The following SLC24A4 variants were observed in gnomAD, a reference collection of about 807,000 sequenced individuals.
SLC24A4 encodes sodium/potassium/calcium exchanger 4.
In SLC24A4, 53 loss-of-function variants were observed where a neutral mutation model predicts 79.0. The observed-to-expected ratio is 0.67, with a 90% CI of 0.54 to 0.84. The LOEUF is 0.84. SLC24A4 is among the 40% of genes least tolerant of loss of function. SLC24A4 has a pLI of 0.00. For synonymous variants in SLC24A4, 323 were observed against 323.8 expected (o/e 1.00, Z 0.03); for missense variants, 731 against 822.0 (o/e 0.89, Z 1.35).
Position 92,428,317 on chromosome 14 carries a change from C to T in SLC24A4, c.242-5595C>T, listed in dbSNP as rs541481118. Among the ~76,000 whole-genome samples the T allele has an allele frequency of 5.8e-4, 89 of 152,294 alleles. 2 individuals are homozygous for T. Among genetic ancestry groups the T allele is most frequent in the Non-Finnish European group, 7.4e-5 (5 of 68,016 alleles). ...CCCTAGGTTGGCAGAACCTACTTCA[C>T]ATGCAGAACCCTAGCTGCAAGGGGG... On this transcript the variant is annotated intron_variant, in intron 2 of 16. Transcript: ENST00000532405.
chr14:92,474,822 CAT>C lies in SLC24A4; in HGVS notation c.1256-7851_1256-7850del, dbSNP rs71301943. On this transcript the variant is annotated intron_variant, in intron 12 of 16. Coordinates refer to ENST00000532405, the MANE Select transcript of SLC24A4 (RefSeq NM_153646.4). ...ATATATACATATATACATATATATA[CAT>C]ATATATGTGTGTGTGTGTGTATATA... Among the ~76,000 whole-genome samples, 14 of 10,016 alleles carry C rather than the reference CAT, an allele frequency of 1.4e-3. 1 individual carries two copies. Among genetic ancestry groups the C allele is most frequent in the East Asian group, 9.3e-3 (8 of 862 alleles). The allele number at this position is 10,016 out of a possible 152,430, so 6.6% of individuals were successfully genotyped here.
intron 13 of SLC24A4, chr14:92,484,253 A>C (rs1595359196): frequency 1.0e-6 from 1 of 984,118 alleles, no homozygotes; most frequent in Non-Finnish European, 1.2e-6. Context: ...CTGAAATCCC[A>C]CCCTTTGGCC....
At chr14:92,388,023 C>T (rs928736135) in intron 2 of SLC24A4, among the ~76,000 whole-genome samples, 4 of 152,206 alleles carry the variant, frequency 2.6e-5, no homozygotes, top group African/African-American at 7.2e-5. Flanking sequence ...CAGATGTCTG[C>T]TCAGGTCGCT....
chr14:92,493,676 G>A lies in SLC24A4; in HGVS notation c.*48G>A. 6.2e-7 allele frequency: 1 copy of A among 1,600,556 alleles called. No homozygotes were observed. Among genetic ancestry groups the A allele is most frequent in the Non-Finnish European group, 8.5e-7 (1 of 1,172,372 alleles). On this transcript the variant is annotated 3_prime_UTR_variant, in exon 17 of 17. Coordinates refer to ENST00000532405, the MANE Select transcript of SLC24A4 (RefSeq NM_153646.4). The stretch of plus-strand genomic sequence containing the variant: ...GCTGATCTGGACACCCTGTGACACT[G>A]GCGTTCTCCTCTCCCCTCCTTCCCC...
At chr14:92,404,515 C>G (rs1217528803) in intron 2 of SLC24A4, among the ~76,000 whole-genome samples, 3 of 152,144 alleles carry the variant, frequency 2.0e-5, no homozygotes, top group Non-Finnish European at 4.4e-5. Context: ...ACTGCTGGGC[C>G]TCTTCCTTTT....
At chr14:92,374,072 C>T (rs559426755) in intron 2 of SLC24A4, among the ~76,000 whole-genome samples, 4 of 152,328 alleles carry the variant, frequency 2.6e-5, no homozygotes, top group African/African-American at 9.6e-5. Flanking sequence ...ACCCGTTTAC[C>T]TTGGCAAGGG....
chr14:92,441,507 C>T lies in SLC24A4; in HGVS notation c.394-582C>T, dbSNP rs1892493593. Among the ~76,000 whole-genome samples, 1 of 152,196 alleles carries T rather than the reference C, an allele frequency of 6.6e-6. No individual in the cohort carries two copies. Among genetic ancestry groups the T allele is most frequent in the Admixed American group, 6.5e-5 (1 of 15,282 alleles). ...CAGAATGCAAGGCCCAGCTGCAGGCCAGAGGCCTCCAGATCCACAATGCTG... is the reference window on the plus strand; with the variant it reads ...CAGAATGCAAGGCCCAGCTGCAGGCTAGAGGCCTCCAGATCCACAATGCTG... On this transcript the variant is annotated intron_variant, in intron 4 of 16. Coordinates refer to ENST00000532405, the MANE Select transcript of SLC24A4 (RefSeq NM_153646.4). This position sits in a 1 kb window ranked among gnomAD's most constrained non-coding sequence, Gnocchi z 4.6.
chr14:92,448,272 C>T (rs911124350), intron 9 of SLC24A4, among the ~76,000 whole-genome samples: 6 of 151,700 alleles, frequency 4.0e-5, no homozygotes, highest in African/African-American at 1.5e-4. Flanking sequence ...ATTAATGCCA[C>T]TGTTTTGTGC....
intron 2 of SLC24A4, among the ~76,000 whole-genome samples, chr14:92,428,725 A>G (rs1891700625): frequency 6.6e-6 from 1 of 152,226 alleles, no homozygotes; most frequent in African/African-American, 2.4e-5. Flanking sequence ...CATGGGCAGA[A>G]GAGGGCCCAG....
At chr14:92,325,792 C>A in intron 1 of SLC24A4, 76 bp from the exon 2 acceptor site, 1 of 849,810 alleles carries the variant, frequency 1.2e-6, no homozygotes, top group Non-Finnish European at 1.9e-6. Context: ...GACATAGACA[C>A]ACAAATGTAA....
At chr14:92,348,827 A>G (rs756702588) in intron 2 of SLC24A4, among the ~76,000 whole-genome samples, 18 of 152,190 alleles carry the variant, frequency 1.2e-4, no homozygotes, top group East Asian at 1.9e-4. Context: ...TTTGGAGCCT[A>G]TGGCCACCAA....
At chr14:92,378,462 A>C (rs1481543738) in intron 2 of SLC24A4, among the ~76,000 whole-genome samples, 4 of 152,166 alleles carry the variant, frequency 2.6e-5, no homozygotes, top group Non-Finnish European at 4.4e-5. Flanking sequence ...TTGTGGTTTT[A>C]ATAGGCATTT....
At chr14:92,342,661 C>T (rs1476068818) in intron 2 of SLC24A4, among the ~76,000 whole-genome samples, 2 of 152,196 alleles carry the variant, frequency 1.3e-5, no homozygotes, top group African/African-American at 2.4e-5. Flanking sequence ...AGATTACAGG[C>T]GTGCACCACC....
intron 12 of SLC24A4, among the ~76,000 whole-genome samples, chr14:92,458,940 G>A (rs999540512): frequency 2.6e-5 from 4 of 152,198 alleles, no homozygotes; most frequent in African/African-American, 4.8e-5. Context: ...GGGGTGGGGC[G>A]AGGAGGAGCG....
intron 12 of SLC24A4, 76 bp from the exon 13 acceptor site, chr14:92,482,604 A>G: frequency 7.2e-7 from 1 of 1,397,774 alleles, no homozygotes; most frequent in South Asian, 1.4e-5. Flanking sequence ...GACTAAATCG[A>G]CAGGTAGACT....
At chr14:92,455,266 G>C (rs1437727044) in intron 11 of SLC24A4, among the ~76,000 whole-genome samples, 1 of 152,146 alleles carries the variant, frequency 6.6e-6, no homozygotes, top group Non-Finnish European at 1.5e-5. Context: ...AAATTTCAGT[G>C]ACACACACCG....
rs914385551 is a variant in SLC24A4, at chr14:92,490,868, C to T, written c.1538-797C>T. Among the ~76,000 whole-genome samples, 1 of 152,210 alleles carries T rather than the reference C, an allele frequency of 6.6e-6. No individual in the cohort carries two copies. The highest frequency in any genetic ancestry group is 1.5e-5 in the Non-Finnish European group (1 of 68,044). ...ACGGAAGTGTATTGTCTTGTGGTTC[C>T]GGAGGCCAGAAGCCTGAAGGAGAGT... On this transcript the variant is annotated intron_variant, in intron 14 of 16. Coordinates refer to ENST00000532405, the MANE Select transcript of SLC24A4 (RefSeq NM_153646.4). The surrounding 1 kb of genome is among the most constrained non-coding windows in gnomAD (Gnocchi z 4.3).
At chr14:92,341,617 A>G (rs374137863) in intron 2 of SLC24A4, among the ~76,000 whole-genome samples, 3 of 152,198 alleles carry the variant, frequency 2.0e-5, no homozygotes, top group Non-Finnish European at 2.9e-5. Context: ...CACCTGGGGC[A>G]TTGTCAGACC....
chr14:92,333,687 G>A (rs966905265), intron 2 of SLC24A4, among the ~76,000 whole-genome samples: 3 of 152,318 alleles, frequency 2.0e-5, no homozygotes, highest in East Asian at 3.9e-4. Context: ...AAGGTGCTTC[G>A]TAGCATTTCA....
Sources: allele counts gnomAD v4.1 joint callset (sites outside exome capture counted in the v4.1 genomes callset), GRCh38; gene constraint gnomAD v4.1.1; non-coding constraint Gnocchi (gnomAD v3.1); transcripts MANE v1.5; gene names NCBI Gene and HGNC (gene_info 2026-07-23, HGNC 2026-07-21).